Variants in CNOT10 observed in about 807,000 individuals in gnomAD.
CNOT10 encodes CCR4-NOT transcription complex subunit 10.
A neutral mutation model predicts 94.6 loss-of-function variants in CNOT10; 30 were observed. That is an observed-to-expected ratio of 0.32 (90% CI 0.24 to 0.43). The LOEUF is 0.43. Ranked by LOEUF, CNOT10 falls within the 20% of genes least tolerant of loss-of-function variation. The probability of loss-of-function intolerance (pLI) is 1.00; values close to 1 mark genes in which losing one functional copy is unlikely to be tolerated. For missense variants in CNOT10, 759 were observed against 877.2 expected (o/e 0.87, Z 1.70); for synonymous variants, 289 against 301.6 (o/e 0.96, Z 0.43).
At chr3:32,689,591 C>T (rs775504231) in intron 1 of CNOT10, among the ~76,000 whole-genome samples, 49 of 152,248 alleles carry the variant, frequency 3.2e-4, no homozygotes, top group Admixed American at 9.2e-4. Context: ...TGAATACAAG[C>T]TCCCCGAAGA....
At chr3:32,768,748 T>C (rs1700765969) in intron 17 of CNOT10, among the ~76,000 whole-genome samples, 3 of 152,204 alleles carry the variant, frequency 2.0e-5, no homozygotes, top group Non-Finnish European at 2.9e-5. Flanking sequence ...ATGAGGAACT[T>C]CTTAGAAGCA....
At chr3:32,733,357 C>T in intron 10 of CNOT10, 66 bp from the exon 11 acceptor site, 1 of 1,234,154 alleles carries the variant, frequency 8.1e-7, no homozygotes, top group Non-Finnish European at 1.1e-6. Flanking sequence ...GAGAGATATT[C>T]CCTCATTTTT....
At chr3:32,751,274 A>T (rs1413225217) in intron 13 of CNOT10, among the ~76,000 whole-genome samples, 1 of 146,468 alleles carries the variant, frequency 6.8e-6, no homozygotes, top group Non-Finnish European at 1.5e-5. Context: ...CTAATTTTTA[A>T]TTTTTTTTTT....
chr3:32,716,318 T>A lies in CNOT10; in HGVS notation c.660+7T>A, dbSNP rs765112401. On this transcript the variant is annotated splice_region_variant and intron_variant, in intron 6 of 18. Transcript: ENST00000328834. Reference sequence around the variant, plus strand: ...AAAATCAAAGATACATCAGGTAGTATAAATTTTAAAGGGGGGCAATACATC... The same window carrying A: ...AAAATCAAAGATACATCAGGTAGTAAAAATTTTAAAGGGGGGCAATACATC... 2 of 1,471,520 alleles carry A rather than the reference T, an allele frequency of 1.4e-6. No homozygotes were observed. The highest frequency in any genetic ancestry group is 1.4e-5 in the African/African-American group (1 of 71,248). 91.2% of individuals were successfully genotyped at this position (1,471,520 alleles called of 1,614,324 possible). A position where few individuals can be genotyped will look rare whatever the true frequency, so the allele number is the denominator to read the frequency against.
At chr3:32,723,595 G>T (rs551108935) in intron 8 of CNOT10, among the ~76,000 whole-genome samples, 37 of 152,124 alleles carry the variant, frequency 2.4e-4, no homozygotes, top group Middle Eastern at 3.4e-3. Context: ...AGAAAACATG[G>T]CTAAATTTGA....
In CNOT10 at chr3:32,752,475, A is replaced by G. The variant is rs140095936; in HGVS notation, c.1596-6983A>G. On this transcript the variant is annotated intron_variant, in intron 13 of 18. Transcript: ENST00000328834. ...CTAAGTCTCTGTGACTTTATATTTT[A>G]TTTGCTGCCCAGGATAAGACTGGGT... 7.2e-5 allele frequency among the ~76,000 whole-genome samples: 11 copies of G among 152,230 alleles called. No individual in the cohort carries two copies. The East Asian group carries it at 1.9e-3, about 27-fold the overall frequency.
At chr3:32,725,675 AAATAC>A in intron 9 of CNOT10, 76 bp downstream of exon 9, 1 of 1,345,538 alleles carries the variant, frequency 7.4e-7, no homozygotes, top group Non-Finnish European at 1.0e-6. Context: ...AATGTGGTTA[AAATAC>A]CCACCATGTA....
intron 12 of CNOT10, among the ~76,000 whole-genome samples, chr3:32,737,038 C>T (rs1424574551): frequency 6.6e-6 from 1 of 152,012 alleles, no homozygotes; most frequent in Non-Finnish European, 1.5e-5. Flanking sequence ...GGAGGCCGGG[C>T]GAGGTGAGAC....
chr3:32,716,751 G>A (rs1447418171), intron 6 of CNOT10, among the ~76,000 whole-genome samples: 1 of 152,168 alleles, frequency 6.6e-6, no homozygotes. Context: ...AGTTTCAAGC[G>A]ATTCTCCTGC....
At chr3:32,685,536 G>A in intron 1 of CNOT10, 54 bp downstream of exon 1, 2 of 1,545,200 alleles carry the variant, frequency 1.3e-6, no homozygotes, top group Non-Finnish European at 1.7e-6. Context: ...GGGCCGGGCG[G>A]ACCCTGAACT....
At chr3:32,699,975 C>CTTTTTT (rs565780036) in intron 1 of CNOT10, among the ~76,000 whole-genome samples, 1 of 129,228 alleles carries the variant, frequency 7.7e-6, no homozygotes. Flanking sequence ...ATATCAGTTT[C>CTTTTTT]TTTTTTTTTT....
rs934534355 is a variant in CNOT10 at position 32,716,249 on chromosome 3, G to A, written c.598G>A (p.Gly200Arg). 2 of 1,597,250 alleles carry A rather than the reference G, an allele frequency of 1.3e-6. No individual in the cohort carries two copies. Among genetic ancestry groups the A allele is most frequent in the African/African-American group, 2.7e-5 (2 of 74,178 alleles). Residue 200 changes from glycine (G) to arginine (R), a missense_variant, in exon 6 of 19, where the codon GGA becomes AGA. By Grantham distance (125) the Gly-to-Arg change is moderately radical. Coordinates refer to ENST00000328834, the MANE Select transcript of CNOT10 (RefSeq NM_015442.3). ...GACTGGTAATAACAACAACAAAGAT[G>A]GATCTAATCATAAAGCTGAAAGTGG... ...NETGNNNNKD[G>R]SNHKAESGAL...
At chr3:32,773,319 A>T in intron 18 of CNOT10, 138 bp from the exon 19 acceptor site, 1 of 822,644 alleles carries the variant, frequency 1.2e-6, no homozygotes, top group South Asian at 2.1e-5. Context: ...GCTTTATGGG[A>T]TTCCAGTATA....
At position 32,750,247 on chromosome 3, in the gene CNOT10, C is replaced by T. The variant is rs529466694; in HGVS notation, c.1596-9211C>T. Among the ~76,000 whole-genome samples the T allele has an allele frequency of 7.3e-4, 111 of 152,234 alleles. 1 individual carries two copies. The highest frequency in any genetic ancestry group is 1.2e-3 in the Non-Finnish European group (80 of 68,012). ...CAGTGACTCATGCCTGTAATCCCAG[C>T]ACTGTGGGAGGCCAAGGTGGGTGGA... On this transcript the variant is annotated intron_variant, in intron 13 of 18. Transcript: ENST00000328834.
chr3:32,719,884 T>G, intron 7 of CNOT10, among the ~76,000 whole-genome samples: 1 of 152,212 alleles, frequency 6.6e-6, no homozygotes, highest in East Asian at 1.9e-4. Flanking sequence ...TATACCTATA[T>G]TTATTTTTTC....
At chr3:32,742,341 C>A (rs111275245) in intron 13 of CNOT10, among the ~76,000 whole-genome samples, 5 of 152,024 alleles carry the variant, frequency 3.3e-5, no homozygotes, top group African/African-American at 1.2e-4. Flanking sequence ...TAATGAACTT[C>A]TTTTCATGTG....
At chr3:32,744,229 T>C (rs2125597783) in intron 13 of CNOT10, among the ~76,000 whole-genome samples, 1 of 152,328 alleles carries the variant, frequency 6.6e-6, no homozygotes, top group South Asian at 2.1e-4. Context: ...TGAAATTCTT[T>C]GAGATTTCAT....
chr3:32,724,685 T>A (rs1335332418), intron 8 of CNOT10, among the ~76,000 whole-genome samples: 1 of 152,172 alleles, frequency 6.6e-6, no homozygotes, highest in African/African-American at 2.4e-5. Flanking sequence ...GTGCTGGGAT[T>A]ACAGGCGTGA....
chr3:32,762,132 A>T (rs1021591850), intron 14 of CNOT10, among the ~76,000 whole-genome samples: 1 of 149,620 alleles, frequency 6.7e-6, no homozygotes, highest in Non-Finnish European at 1.5e-5. Context: ...GTAGAAAGTC[A>T]TTAAGATTTT....
Sources: allele counts gnomAD v4.1 joint callset (sites outside exome capture counted in the v4.1 genomes callset), GRCh38; gene constraint gnomAD v4.1.1; transcripts MANE v1.5; gene names NCBI Gene and HGNC (gene_info 2026-07-23, HGNC 2026-07-21).